Variants in ADGRL3 observed in about 807,000 individuals in gnomAD.
ADGRL3 encodes calcium-independent alpha-latrotoxin receptor 3.
In ADGRL3, 62 loss-of-function variants were observed where a neutral mutation model predicts 153.5. The ratio of observed to expected loss-of-function variants is 0.40; its 90% CI spans 0.33 to 0.50. The LOEUF (loss-of-function observed/expected upper bound fraction) is 0.50, where lower values mean the gene tolerates loss of function less well. Among genes scored for constraint, ADGRL3 ranks in the 20% least tolerant of loss-of-function variants. ADGRL3 has a pLI of 0.47. For missense variants in ADGRL3, 1,641 were observed against 1,859.4 expected (o/e 0.88, Z 2.16); for synonymous variants, 710 against 672.5 (o/e 1.06, Z -0.86).
chr4:61,752,928 T>C (rs1228297937), intron 8 of ADGRL3, among the ~76,000 whole-genome samples: 1 of 152,072 alleles, frequency 6.6e-6, no homozygotes, highest in Non-Finnish European at 1.5e-5. Context: ...AGCAAGATCC[T>C]GTATCAAAAA....
intron 1 of ADGRL3, among the ~76,000 whole-genome samples, chr4:61,338,626 A>G (rs759268561): frequency 5.3e-5 from 8 of 152,180 alleles, no homozygotes; most frequent in Non-Finnish European, 1.0e-4. Context: ...TGATTTAACT[A>G]TGTGTTGCTA....
At chr4:61,582,342 C>G (rs1186787608) in intron 4 of ADGRL3, among the ~76,000 whole-genome samples, 2 of 151,962 alleles carry the variant, frequency 1.3e-5, no homozygotes, top group Non-Finnish European at 2.9e-5. Flanking sequence ...CTCCCTCCCC[C>G]CGCTCCTGCC....
intron 8 of ADGRL3, among the ~76,000 whole-genome samples, chr4:61,776,623 T>C (rs891156619): frequency 1.3e-5 from 2 of 152,182 alleles, no homozygotes; most frequent in Non-Finnish European, 2.9e-5. Context: ...TTATATATTA[T>C]TGCACAAAGT....
intron 9 of ADGRL3, among the ~76,000 whole-genome samples, chr4:61,832,060 C>A (rs1346154024): frequency 6.6e-6 from 1 of 152,092 alleles, no homozygotes; most frequent in Non-Finnish European, 1.5e-5. Context: ...GGAAAGCATT[C>A]TTTCTGCCCT....
chr4:61,925,895 A>C (rs1021639823), intron 13 of ADGRL3, among the ~76,000 whole-genome samples: 1 of 152,316 alleles, frequency 6.6e-6, no homozygotes, highest in East Asian at 1.9e-4. Flanking sequence ...GATGCCATAC[A>C]ATTATAGTCA....
intron 8 of ADGRL3, among the ~76,000 whole-genome samples, chr4:61,808,283 G>T (rs1027689696): frequency 5.3e-5 from 8 of 151,998 alleles, no homozygotes; most frequent in Non-Finnish European, 1.0e-4. Context: ...AGTGGGAGCG[G>T]ATGCTGAATA....
At chr4:61,698,284 T>C (rs575436037) in intron 6 of ADGRL3, among the ~76,000 whole-genome samples, 1 of 152,158 alleles carries the variant, frequency 6.6e-6, no homozygotes, top group East Asian at 1.9e-4. Flanking sequence ...ACCGCGTCTC[T>C]ACTAAAAATA....
chr4:61,787,558 T>A (rs1343882740), intron 8 of ADGRL3, among the ~76,000 whole-genome samples: 1 of 152,116 alleles, frequency 6.6e-6, no homozygotes, highest in African/African-American at 2.4e-5. Flanking sequence ...AACCATCCAG[T>A]GGAATTTAAT....
rs1020002796 is a variant in ADGRL3, at chr4:61,202,121, G to A, written c.-240+356G>A. ...TAATTTTCCCTCTCCTCTCACCCCAGTGGCATCCCCTGGTGGGGGCAGAAA... is the reference window on the plus strand; with the variant it reads ...TAATTTTCCCTCTCCTCTCACCCCAATGGCATCCCCTGGTGGGGGCAGAAA... On this transcript the variant is annotated intron_variant, in intron 1 of 26. Transcript: ENST00000683033. The surrounding 1 kb of genome is among the most constrained non-coding windows in gnomAD (Gnocchi z 5.0). 6.5e-6 allele frequency: 1 copy of A among 152,786 alleles called. No homozygotes were observed. Among genetic ancestry groups the A allele is most frequent in the African/African-American group, 2.4e-5 (1 of 41,476 alleles). 9.5% of individuals were successfully genotyped at this position (152,786 alleles called of 1,614,324 possible).
chr4:61,459,899 A>G (rs531355398), intron 2 of ADGRL3, among the ~76,000 whole-genome samples: 12 of 152,168 alleles, frequency 7.9e-5, no homozygotes, highest in African/African-American at 2.6e-4. Context: ...GTCTTTGCCT[A>G]TTCAGATCTG....
rs376427105 is a variant in ADGRL3 at position 61,771,752 on chromosome 4, T to C, written c.1399+38198T>C. On this transcript the variant is annotated intron_variant, in intron 8 of 26. Transcript: ENST00000683033. ...ACCTTTTTTAAACCAAAGGGGTATC[T>C]ATTCCATGTGACTCAAAATCAAAAT... Among the ~76,000 whole-genome samples the C allele has an allele frequency of 1.1e-4, 16 of 147,880 alleles. No homozygotes were observed. The South Asian group carries it at 3.1e-3, about 28-fold the overall frequency.
chr4:61,747,235 G>C (rs1174592581), intron 8 of ADGRL3, among the ~76,000 whole-genome samples: 56 of 149,786 alleles, frequency 3.7e-4, no homozygotes, highest in African/African-American at 1.4e-3. Context: ...CAACCAAAAA[G>C]AGTCCAGGAC....
intron 24 of ADGRL3, among the ~76,000 whole-genome samples, chr4:62,041,001 G>A (rs28607153): frequency 0.026 from 3,989 of 152,140 alleles, 184 homozygotes; most frequent in African/African-American, 0.092. Context: ...AAGTAGGTTA[G>A]AGGGAGAATG....
At chr4:61,599,780 C>T (rs375332860) in intron 5 of ADGRL3, among the ~76,000 whole-genome samples, 1 of 152,236 alleles carries the variant, frequency 6.6e-6, no homozygotes, top group East Asian at 1.9e-4. Context: ...GACAAGAGAA[C>T]AGGAGAAGGT....
intron 2 of ADGRL3, among the ~76,000 whole-genome samples, chr4:61,432,630 C>CTCTCTTTTTTTT (rs2097378530): frequency 2.0e-5 from 1 of 50,498 alleles, no homozygotes. Context: ...TTCTTTCTTT[C>CTCTCTTTTTTTT]TTTCTTTCTT....
chr4:61,347,764 T>C (rs2095952367), intron 1 of ADGRL3, among the ~76,000 whole-genome samples: 1 of 152,142 alleles, frequency 6.6e-6, no homozygotes, highest in Non-Finnish European at 1.5e-5. Context: ...TCTGTTTTCA[T>C]TTACTCACAT....
chr4:61,531,155 G>A (rs571520736), intron 4 of ADGRL3, among the ~76,000 whole-genome samples: 4 of 152,244 alleles, frequency 2.6e-5, no homozygotes, highest in East Asian at 1.9e-4. Context: ...ACTTCAAGCC[G>A]ATTGAGCAAA....
intron 25 of ADGRL3, among the ~76,000 whole-genome samples, chr4:62,060,016 CA>C (rs1222886366): frequency 6.6e-6 from 1 of 151,946 alleles, no homozygotes; most frequent in African/African-American, 2.4e-5. Flanking sequence ...ATTAGAATTC[CA>C]ATATGAAACT....
intron 1 of ADGRL3, among the ~76,000 whole-genome samples, chr4:61,241,852 A>G (rs891854417): frequency 1.3e-5 from 2 of 152,274 alleles, no homozygotes; most frequent in African/African-American, 2.4e-5. Flanking sequence ...ATATCTAAAC[A>G]TACTAAATTT....
Sources: allele counts gnomAD v4.1 joint callset (sites outside exome capture counted in the v4.1 genomes callset), GRCh38; gene constraint gnomAD v4.1.1; non-coding constraint Gnocchi (gnomAD v3.1); transcripts MANE v1.5; gene names NCBI Gene and HGNC (gene_info 2026-07-23, HGNC 2026-07-21).